SETD2: variants seen among roughly 807,000 people sequenced by gnomAD.
The protein encoded by SETD2 is histone-lysine N-methyltransferase SETD2.
Under a neutral mutation model 242.1 loss-of-function variants are expected in SETD2, and 31 were observed. The ratio of observed to expected loss-of-function variants is 0.13; its 90% CI spans 0.10 to 0.17. SETD2 has a LOEUF of 0.17. Among genes scored for constraint, SETD2 ranks in the 10% least tolerant of loss-of-function variants. SETD2 has a pLI of 1.00. For synonymous variants in SETD2, 1,006 were observed against 1,066.5 expected (o/e 0.94, Z 1.11); for missense variants, 2,481 against 3,046.3 (o/e 0.81, Z 4.37).
At position 47,116,241 on chromosome 3, in the gene SETD2, G is replaced by A. The variant is rs556977897; in HGVS notation, c.4586+382C>T. 9.9e-5 allele frequency among the ~76,000 whole-genome samples: 15 copies of A among 152,262 alleles called. No homozygotes were observed. In the East Asian group the frequency reaches 1.9e-3, roughly 20 times the overall value. On this transcript the variant is annotated intron_variant, in intron 4 of 20. Transcript: ENST00000409792. ...ACAAAACAATGGGACTGATGTTTGGGAGAAGACATTCACTTTATGCATTTC... is the reference window on the plus strand; with the variant it reads ...ACAAAACAATGGGACTGATGTTTGGAAGAAGACATTCACTTTATGCATTTC...
intron 7 of SETD2, among the ~76,000 whole-genome samples, chr3:47,102,555 C>T (rs1575776417): frequency 6.6e-6 from 1 of 152,310 alleles, no homozygotes; most frequent in East Asian, 1.9e-4. Flanking sequence ...CTTTGGGAGG[C>T]TGACGGGGGT....
intron 3 of SETD2, 137 bp downstream of exon 3, chr3:47,120,045 T>A (rs1008728910): frequency 4.4e-5 from 34 of 779,788 alleles, no homozygotes; most frequent in African/African-American, 8.8e-5. Context: ...GTAAAAACAC[T>A]TTTTTAGACT....
At chr3:47,066,416 T>C (rs2040558134) in intron 13 of SETD2, among the ~76,000 whole-genome samples, 1 of 152,210 alleles carries the variant, frequency 6.6e-6, no homozygotes, top group Non-Finnish European at 1.5e-5. Context: ...GGCACGATCA[T>C]GGCTCACTGC....
rs1216047088 is a variant in SETD2 at position 47,120,633 on chromosome 3, G to T, written c.4003C>A (p.Arg1335Ser). ...GQVPDSLTDD[R>S]EEEENWDQQD... Reference sequence around the variant, plus strand: ...TGATCCCAATTCTCCTCTTCTTCACGATCATCTGTTAGGGAATCTGGTACT... The same window carrying T: ...TGATCCCAATTCTCCTCTTCTTCACTATCATCTGTTAGGGAATCTGGTACT... Residue 1335 changes from arginine (R) to serine (S), a missense_variant, in exon 3 of 21, where the codon CGT becomes AGT. By Grantham distance (110) the Arg-to-Ser change is moderately radical. Around this residue, in one of 17 missense-constraint regions of SETD2, gnomAD observed 1,300 missense variants for 1,259.2 expected, o/e 1.03. Coordinates refer to ENST00000409792, the MANE Select transcript of SETD2 (RefSeq NM_014159.7). The T allele has an allele frequency of 1.2e-6, 2 of 1,613,948 alleles. No individual in the cohort carries two copies. The highest frequency in any genetic ancestry group is 1.7e-5 in the Admixed American group (1 of 60,012).
At chr3:47,126,560 T>A in intron 2 of SETD2, 88 bp downstream of exon 2, 1 of 663,228 alleles carries the variant, frequency 1.5e-6, no homozygotes, top group Non-Finnish European at 2.6e-6. Flanking sequence ...TAGCTACATT[T>A]TGAGTGTTTT....
rs751531243 is a variant in SETD2 at position 47,057,427 on chromosome 3, C to T, written c.6357G>A (p.Glu2119=). Reference sequence around the variant, plus strand: ...CTTGCTCAAACAACTTCCGGCGTTCCTCTGTAGAAAGTTTATTGCGGTCTT... The same window carrying T: ...CTTGCTCAAACAACTTCCGGCGTTCTTCTGTAGAAAGTTTATTGCGGTCTT... ...RIKDRNKLST[E]ERRKLFEQEV... Residue 2119 remains glutamate (E), a synonymous_variant, in exon 15 of 21, where the codon GAG becomes GAA. Transcript: ENST00000409792. 1.9e-6 allele frequency: 3 copies of T among 1,614,212 alleles called. No homozygotes were observed. Among genetic ancestry groups the T allele is most frequent in the Non-Finnish European group, 1.7e-6 (2 of 1,180,030 alleles).
chr3:47,163,929 A>G lies in SETD2; in HGVS notation c.-5T>C, dbSNP rs2106868846. 1 of 1,299,030 alleles carries G rather than the reference A, an allele frequency of 7.7e-7. No individual in the cohort carries two copies. Among genetic ancestry groups the G allele is most frequent in the South Asian group, 3.3e-5 (1 of 30,662 alleles). 80.5% of individuals were successfully genotyped at this position (1,299,030 alleles called of 1,614,324 possible). Reference sequence around the variant, plus strand: ...CTGCGGCTGCAGCTGCTTCATCGGGAGCGGCTGGAGACGGCGACGCGAGCC... The same window carrying G: ...CTGCGGCTGCAGCTGCTTCATCGGGGGCGGCTGGAGACGGCGACGCGAGCC... On this transcript the variant is annotated 5_prime_UTR_variant, in exon 1 of 21. Transcript: ENST00000409792.
intron 12 of SETD2, among the ~76,000 whole-genome samples, chr3:47,079,856 T>C (rs2041251153): frequency 6.6e-6 from 1 of 152,246 alleles, no homozygotes; most frequent in Admixed American, 6.5e-5. Flanking sequence ...AGACCATTTT[T>C]GCCTTCTACC....
chr3:47,080,813 C>T (rs1045906236), intron 12 of SETD2: 4 of 986,206 alleles, frequency 4.1e-6, no homozygotes, highest in Admixed American at 1.2e-4. Flanking sequence ...AATCCTTTCT[C>T]GCCAGGAGTA....
At chr3:47,052,332 C>T (rs1056372171) in intron 15 of SETD2, among the ~76,000 whole-genome samples, 7 of 152,228 alleles carry the variant, frequency 4.6e-5, no homozygotes, top group Non-Finnish European at 7.4e-5. Flanking sequence ...CCACCACACT[C>T]GGCTAATTTT....
At chr3:47,097,317 C>T (rs1222506033) in intron 9 of SETD2, among the ~76,000 whole-genome samples, 2 of 152,118 alleles carry the variant, frequency 1.3e-5, no homozygotes, top group African/African-American at 2.4e-5. Flanking sequence ...AAACAGTGCT[C>T]TAGCAAAGGG....
chr3:47,067,406 CTTTTTTTTTTTTTT>C (rs548953692), intron 12 of SETD2, among the ~76,000 whole-genome samples: 1 of 83,908 alleles, frequency 1.2e-5, no homozygotes, highest in African/African-American at 5.2e-5. Context: ...TCCTGAGCAT[CTTTTTTTTTTTTTT>C]TTTTTTTTTT....
At chr3:47,151,299 AC>A (rs2043977062) in intron 1 of SETD2, among the ~76,000 whole-genome samples, 1 of 152,164 alleles carries the variant, frequency 6.6e-6, no homozygotes, top group South Asian at 2.1e-4. Context: ...ATCAACCAAA[AC>A]ATCTTAAAAA....
rs147261033 is a variant in SETD2, at chr3:47,144,629, G to A, written c.72-17966C>T. Among the ~76,000 whole-genome samples the A allele has an allele frequency of 1.8e-3, 273 of 152,076 alleles. 2 individuals are homozygous for A. The highest frequency in any genetic ancestry group is 5.4e-3 in the African/African-American group (225 of 41,486). ...CTGCACTCCAGCCTGGTGACAGAGC[G>A]AGACTCCGTCTCAAAATATAAAAAT... is the stretch of plus-strand genomic sequence containing the variant. On this transcript the variant is annotated intron_variant, in intron 1 of 20. Coordinates refer to ENST00000409792, the MANE Select transcript of SETD2 (RefSeq NM_014159.7).
At chr3:47,036,016 A>C (rs1403480753) in intron 18 of SETD2, among the ~76,000 whole-genome samples, 36 of 152,236 alleles carry the variant, frequency 2.4e-4, no homozygotes, top group Non-Finnish European at 4.4e-5. Flanking sequence ...GTAAGTGTGT[A>C]TCTTTTTGCA....
intron 6 of SETD2, among the ~76,000 whole-genome samples, chr3:47,105,320 G>T (rs2042367168): frequency 6.7e-6 from 1 of 148,646 alleles, no homozygotes; most frequent in Admixed American, 6.8e-5. Flanking sequence ...TGAGGCACAA[G>T]AATCGCTTGA....
At chr3:47,134,716 G>C (rs183735745) in intron 1 of SETD2, among the ~76,000 whole-genome samples, 1 of 151,500 alleles carries the variant, frequency 6.6e-6, no homozygotes, top group East Asian at 1.9e-4. Context: ...TGCAATCTCC[G>C]CCTCCCAAGT....
intron 10 of SETD2, among the ~76,000 whole-genome samples, chr3:47,086,542 GA>G (rs1369282804): frequency 6.6e-6 from 1 of 152,058 alleles, no homozygotes; most frequent in Non-Finnish European, 1.5e-5. Context: ...AGTCAACTGG[GA>G]TTTTACTAAC....
intron 9 of SETD2, among the ~76,000 whole-genome samples, chr3:47,089,324 A>G (rs1182614259): frequency 1.3e-5 from 2 of 152,050 alleles, no homozygotes; most frequent in Non-Finnish European, 2.9e-5. Flanking sequence ...GCATGTGTCT[A>G]TAGTCTCAGC....
Sources: allele counts gnomAD v4.1 joint callset (sites outside exome capture counted in the v4.1 genomes callset), GRCh38; gene constraint gnomAD v4.1.1; regional missense constraint gnomAD v4.1.1; transcripts MANE v1.5; gene names NCBI Gene and HGNC (gene_info 2026-07-23, HGNC 2026-07-21).